PCGF6: variants seen among roughly 807,000 people sequenced by gnomAD.
PCGF6 encodes the protein polycomb group RING finger protein 6.
In PCGF6, 24 loss-of-function variants were observed where a neutral mutation model predicts 45.5. That is an observed-to-expected ratio of 0.53 (90% CI 0.38 to 0.74). The LOEUF (loss-of-function observed/expected upper bound fraction) is 0.74. Among genes scored for constraint, PCGF6 ranks in the 30% least tolerant of loss-of-function variants. The probability of loss-of-function intolerance (pLI) is 0.00; values close to 1 mark genes in which losing one functional copy is unlikely to be tolerated. For synonymous variants in PCGF6, 152 were observed against 162.1 expected (o/e 0.94, Z 0.47); for missense variants, 356 against 443.2 (o/e 0.80, Z 1.77).
intron 8 of PCGF6, among the ~76,000 whole-genome samples, chr10:103,325,238 T>G (rs2093213598): frequency 6.6e-6 from 1 of 152,092 alleles, no homozygotes; most frequent in African/African-American, 2.4e-5. Context: ...TGTCCTGAGC[T>G]TTGCTTGTTT....
chr10:103,347,235 T>C lies in PCGF6; in HGVS notation c.673+3A>G, dbSNP rs376964380. ...GTACATTATAGTATACACCCAAACT[T>C]ACCAGGTTTAGGTACTTCTAGACCT... is the stretch of plus-strand genomic sequence containing the variant. On this transcript the variant is annotated splice_donor_region_variant and intron_variant, in intron 5 of 9. Coordinates refer to ENST00000369847, the MANE Select transcript of PCGF6 (RefSeq NM_001011663.2). 30 of 1,600,478 alleles carry C rather than the reference T, an allele frequency of 1.9e-5. No homozygotes were observed. The highest frequency in any genetic ancestry group is 1.1e-5 in the South Asian group (1 of 90,562).
chr10:103,333,603 T>C (rs879266587), intron 7 of PCGF6, among the ~76,000 whole-genome samples: 2 of 152,080 alleles, frequency 1.3e-5, no homozygotes, highest in Non-Finnish European at 2.9e-5. Flanking sequence ...GAGCAAAAAA[T>C]GTTACATGCA....
intron 6 of PCGF6, among the ~76,000 whole-genome samples, chr10:103,338,567 C>G (rs1443110771): frequency 6.6e-6 from 1 of 150,764 alleles, no homozygotes; most frequent in Non-Finnish European, 1.5e-5. Flanking sequence ...AAAAGAAGAC[C>G]ATAAAACACA....
At chr10:103,334,159 CT>C (rs1483723489) in intron 6 of PCGF6, among the ~76,000 whole-genome samples, 1 of 152,048 alleles carries the variant, frequency 6.6e-6, no homozygotes, top group African/African-American at 2.4e-5. Flanking sequence ...GTATTTTAGT[CT>C]ACTTTCTATA....
chr10:103,342,178 C>T (rs1259925470), intron 6 of PCGF6, among the ~76,000 whole-genome samples: 1 of 151,856 alleles, frequency 6.6e-6, no homozygotes, highest in Non-Finnish European at 1.5e-5. Flanking sequence ...TCAAGTGATC[C>T]GCCCACCTCG....
At chr10:103,347,541 G>T (rs2093304020) in intron 3 of PCGF6, 91 bp from the exon 4 acceptor site, 5 of 1,042,362 alleles carry the variant, frequency 4.8e-6, no homozygotes, top group Non-Finnish European at 7.2e-6. Flanking sequence ...CTTGAGAGTG[G>T]GTATCTTTTT....
chr10:103,314,246 C>T lies in PCGF6; in HGVS notation c.936G>A (p.Leu312=). ...CCCTTAGAGTTTGATACTGCTCCAACAGGTGATCACCACAGATTATATCTA... is the reference window on the plus strand; with the variant it reads ...CCCTTAGAGTTTGATACTGCTCCAATAGGTGATCACCACAGATTATATCTA... ...CQVDIICGDH[L]LEQYQTLREI... The change falls in exon 9 of 10, where the codon CTG becomes CTA. Residue 312 remains leucine (L), a synonymous_variant. Coordinates refer to ENST00000369847, the MANE Select transcript of PCGF6 (RefSeq NM_001011663.2). 6.2e-7 allele frequency: 1 copy of T among 1,600,154 alleles called. No individual in the cohort carries two copies. The highest frequency in any genetic ancestry group is 8.5e-7 in the Non-Finnish European group (1 of 1,169,722).
At chr10:103,330,718 A>C (rs2093236988) in intron 7 of PCGF6, among the ~76,000 whole-genome samples, 1 of 152,210 alleles carries the variant, frequency 6.6e-6, no homozygotes, top group Non-Finnish European at 1.5e-5. Flanking sequence ...ACCTGAGGTC[A>C]GAAGTTCAAG....
chr10:103,344,927 G>T, intron 6 of PCGF6, 97 bp downstream of exon 6: 1 of 761,934 alleles, frequency 1.3e-6, no homozygotes, highest in East Asian at 2.6e-5. Flanking sequence ...TTTCCAAGGG[G>T]ATGTCAGAAA....
chr10:103,322,543 G>T (rs2093201478), intron 8 of PCGF6, among the ~76,000 whole-genome samples: 1 of 151,952 alleles, frequency 6.6e-6, no homozygotes, highest in Non-Finnish European at 1.5e-5. Context: ...AAAACAGGCT[G>T]GGCACAGTGG....
intron 7 of PCGF6, among the ~76,000 whole-genome samples, chr10:103,331,173 C>T (rs2133580341): frequency 6.6e-6 from 1 of 152,256 alleles, no homozygotes; most frequent in African/African-American, 2.4e-5. Flanking sequence ...TTTTTACTGT[C>T]AAATAATACT....
chr10:103,346,126 C>T (rs754015290), intron 5 of PCGF6, among the ~76,000 whole-genome samples: 11 of 150,052 alleles, frequency 7.3e-5, no homozygotes, highest in Middle Eastern at 3.5e-3. Context: ...AACCTGGAGG[C>T]GGAGGTTGCA....
At chr10:103,313,241 C>T (rs955381144) in intron 9 of PCGF6, among the ~76,000 whole-genome samples, 2 of 152,134 alleles carry the variant, frequency 1.3e-5, no homozygotes, top group African/African-American at 4.8e-5. Context: ...CTGGGCCACA[C>T]TGGAAGAACT....
intron 9 of PCGF6, among the ~76,000 whole-genome samples, chr10:103,304,759 G>A (rs183891009): frequency 4.1e-4 from 62 of 151,448 alleles, no homozygotes; most frequent in Non-Finnish European, 7.1e-4. Flanking sequence ...GGGCTCAAGC[G>A]ATCCTCCCAC....
chr10:103,319,198 G>A (rs1374664483), intron 8 of PCGF6, among the ~76,000 whole-genome samples: 1 of 152,198 alleles, frequency 6.6e-6, no homozygotes, highest in East Asian at 1.9e-4. Context: ...CGCCCAGGCT[G>A]GAATGCAGTG....
intron 8 of PCGF6, among the ~76,000 whole-genome samples, chr10:103,321,539 T>C (rs777147422): frequency 7.9e-5 from 12 of 152,002 alleles, no homozygotes; most frequent in Admixed American, 2.6e-4. Flanking sequence ...GGTGAAACCC[T>C]GTCTCTACTA....
At chr10:103,347,964 A>G (rs1367765816) in intron 3 of PCGF6, among the ~76,000 whole-genome samples, 1 of 151,344 alleles carries the variant, frequency 6.6e-6, no homozygotes, top group African/African-American at 2.4e-5. Flanking sequence ...GTAAAAATCA[A>G]TAGTATTTGT....
At chr10:103,334,435 C>A (rs1014952771) in intron 6 of PCGF6, among the ~76,000 whole-genome samples, 13 of 152,192 alleles carry the variant, frequency 8.5e-5, no homozygotes, top group Middle Eastern at 3.4e-3. Context: ...CTGTAGTCAT[C>A]ATGATGTACA....
At chr10:103,320,941 G>A (rs1199209016) in intron 8 of PCGF6, among the ~76,000 whole-genome samples, 1 of 152,116 alleles carries the variant, frequency 6.6e-6, no homozygotes, top group African/African-American at 2.4e-5. Flanking sequence ...CTGATGACTA[G>A]CAAACCAGCT....
Sources: gnomAD v4.1 joint callset for allele counts (sites outside exome capture counted in the v4.1 genomes callset) on GRCh38, gnomAD v4.1.1 for gene constraint, MANE v1.5 for transcripts, NCBI Gene and HGNC (gene_info 2026-07-23, HGNC 2026-07-21) for gene names.